Variants in EPB41 observed in about 807,000 individuals in gnomAD.
EPB41 encodes erythrocyte membrane protein band 4.1, also known as protein 4.1.
EPB41 carries 65 observed loss-of-function variants against 108.0 expected under a neutral mutation model. The observed-to-expected ratio is 0.60, with a 90% CI of 0.49 to 0.74. The LOEUF is 0.74. Among genes scored for constraint, EPB41 ranks in the 30% least tolerant of loss-of-function variants. The pLI, the probability that EPB41 is intolerant of heterozygous loss-of-function variation, is 0.00. For synonymous variants in EPB41, 336 were observed against 358.9 expected (o/e 0.94, Z 0.72); for missense variants, 875 against 1,037.0 (o/e 0.84, Z 2.15).
chr1:29,077,037 G>A (rs1224232452), intron 16 of EPB41, among the ~76,000 whole-genome samples: 2 of 152,138 alleles, frequency 1.3e-5, no homozygotes, highest in African/African-American at 2.4e-5. Context: ...CACAGGTGGC[G>A]ATGGATAAAT....
intron 4 of EPB41, among the ~76,000 whole-genome samples, chr1:29,006,220 A>C (rs952830374): frequency 7.3e-5 from 11 of 150,478 alleles, no homozygotes; most frequent in Non-Finnish European, 1.3e-4. Context: ...AATCGTACAT[A>C]TACATCCCAA....
intron 1 of EPB41, among the ~76,000 whole-genome samples, chr1:28,962,477 A>C (rs893377515): frequency 2.0e-5 from 3 of 152,192 alleles, no homozygotes; most frequent in African/African-American, 7.2e-5. Context: ...TGGGGTTTTT[A>C]GTATATTCAA....
intron 1 of EPB41, among the ~76,000 whole-genome samples, chr1:28,895,207 A>G (rs1385419961): frequency 6.6e-6 from 1 of 152,176 alleles, no homozygotes; most frequent in African/African-American, 2.4e-5. Context: ...AGGGCCCTGA[A>G]GAATTACATC....
In EPB41 at chr1:29,060,465, A is replaced by G. The variant is rs1646318865; in HGVS notation, c.1988A>G (p.His663Arg). The G allele has an allele frequency of 6.2e-7, 1 of 1,613,240 alleles. No individual in the cohort carries two copies. Among genetic ancestry groups the G allele is most frequent in the South Asian group, 1.1e-5 (1 of 91,074 alleles). ...RLDGENIYIR[H>R]SNLMLEDLDK... ...GATGGTGAAAACATTTATATCAGAC[A>G]TAGCAATTTAATGTTGGAGGTTTGT... The change falls in exon 15 of 21, where the codon CAT (histidine) becomes CGT (arginine). Residue 663 changes from histidine to arginine, a missense_variant. Coordinates refer to ENST00000343067, the MANE Select transcript of EPB41 (RefSeq NM_001376013.1).
At chr1:28,987,935 A>G (rs983875846) in intron 2 of EPB41, 30 bp downstream of exon 2, 3 of 1,605,030 alleles carry the variant, frequency 1.9e-6, no homozygotes, top group Non-Finnish European at 1.7e-6. Context: ...GGAGGTGGGC[A>G]AAGGAAGGCA....
At chr1:29,062,352 G>GT (rs1304331891) in intron 15 of EPB41, among the ~76,000 whole-genome samples, 1 of 152,204 alleles carries the variant, frequency 6.6e-6, no homozygotes, top group African/African-American at 2.4e-5. Context: ...TCCATGAGGT[G>GT]TGTTATGGCT....
chr1:28,980,753 T>G (rs1571863823), intron 1 of EPB41, among the ~76,000 whole-genome samples: 1 of 151,674 alleles, frequency 6.6e-6, no homozygotes, highest in African/African-American at 2.4e-5. Context: ...GTGTATTATT[T>G]GCCTGCATTG....
intron 4 of EPB41, among the ~76,000 whole-genome samples, chr1:29,001,992 C>T (rs959616762): frequency 6.6e-6 from 1 of 152,138 alleles, no homozygotes; most frequent in Non-Finnish European, 1.5e-5. Flanking sequence ...CATATTGTTA[C>T]ACTTGAGAGA....
intron 1 of EPB41, among the ~76,000 whole-genome samples, chr1:28,985,172 C>T (rs1387773107): frequency 6.6e-6 from 1 of 151,966 alleles, no homozygotes; most frequent in Non-Finnish European, 1.5e-5. Flanking sequence ...CCATGCTGAC[C>T]AGGCTGGTCT....
intron 16 of EPB41, among the ~76,000 whole-genome samples, chr1:29,095,590 G>C (rs1662922332): frequency 6.6e-6 from 1 of 152,094 alleles, no homozygotes; most frequent in Admixed American, 6.6e-5. Context: ...GGACTACATA[G>C]TGAGACCCTG....
At chr1:28,971,180 C>CTTTTTTTTTTTTTTTT (rs1000130058) in intron 1 of EPB41, among the ~76,000 whole-genome samples, 7 of 66,322 alleles carry the variant, frequency 1.1e-4, no homozygotes, top group Non-Finnish European at 1.5e-4. Context: ...TTCTTTCTTT[C>CTTTTTTTTTTTTTTTT]TTTTTTTTTT....
rs757181331 is a variant in EPB41, at chr1:29,115,661, A to G, written c.2497-38A>G. On this transcript the variant is annotated intron_variant, in intron 19 of 20. Coordinates refer to ENST00000343067, the MANE Select transcript of EPB41 (RefSeq NM_001376013.1). The surrounding 1 kb of genome is among the most constrained non-coding windows in gnomAD (Gnocchi z 4.4). The stretch of plus-strand genomic sequence containing the variant: ...CACTGCCTTCCTTCGCCATCAGGCT[A>G]TTTTCTGCCTCATTGCCCTTGTTTC... 19 of 1,550,676 alleles carry G rather than the reference A, an allele frequency of 1.2e-5. No homozygotes were observed. Among genetic ancestry groups the G allele is most frequent in the Non-Finnish European group, 1.7e-5 (19 of 1,123,314 alleles).
In EPB41 at chr1:29,018,432, A is replaced by G; in HGVS notation, c.1114A>G (p.Lys372Glu). The G allele has an allele frequency of 1.9e-6, 3 of 1,614,086 alleles. No individual in the cohort carries two copies. The highest frequency in any genetic ancestry group is 2.2e-5 in the East Asian group (1 of 44,880). Residue 372 changes from lysine (K) to glutamate (E), a missense_variant, in exon 7 of 21, where the codon AAG becomes GAG. Around this residue, in one of 3 missense-constraint regions of EPB41, gnomAD observed 519 missense variants for 627.3 expected, o/e 0.83. Transcript: ENST00000343067. This position sits in a 1 kb window ranked among gnomAD's most constrained non-coding sequence, Gnocchi z 4.4. ...TGAAGAGAAGGTCATGGAACTGCATAAGTCATACAGGTGAATATGTCTCCA... is the reference window on the plus strand; with the variant it reads ...TGAAGAGAAGGTCATGGAACTGCATGAGTCATACAGGTGAATATGTCTCCA... ...ELEEKVMELH[K>E]SYRSMTPAQA...
intron 17 of EPB41, among the ~76,000 whole-genome samples, chr1:29,102,746 C>T (rs1665852130): frequency 6.6e-6 from 1 of 151,768 alleles, no homozygotes; most frequent in East Asian, 1.9e-4. Flanking sequence ...TGCCACCACA[C>T]CTGGCTAATA....
intron 16 of EPB41, among the ~76,000 whole-genome samples, chr1:29,068,465 A>G (rs1649548335): frequency 1.3e-5 from 2 of 152,226 alleles, no homozygotes; most frequent in Admixed American, 1.3e-4. Flanking sequence ...CTTTAAAGAA[A>G]TAACTTTTTA....
chr1:29,060,233 G>T (rs1052568554), intron 14 of EPB41, among the ~76,000 whole-genome samples, 189 bp from the exon 15 acceptor site: 1 of 152,108 alleles, frequency 6.6e-6, no homozygotes, highest in Non-Finnish European at 1.5e-5. Context: ...CATGAAAAAG[G>T]TCATCATTTT....
intron 2 of EPB41, among the ~76,000 whole-genome samples, chr1:28,989,628 A>C (rs2095958915): frequency 6.6e-6 from 1 of 152,206 alleles, no homozygotes; most frequent in African/African-American, 2.4e-5. Context: ...ATAATTGCAC[A>C]CTTGCTGTTA....
Position 29,065,120 on chromosome 1 carries a change from A to G in EPB41, c.2146A>G (p.Thr716Ala), listed in dbSNP as rs1196665580. 4 of 1,612,168 alleles carry G rather than the reference A, an allele frequency of 2.5e-6. No homozygotes were observed. The highest frequency in any genetic ancestry group is 3.4e-6 in the Non-Finnish European group (4 of 1,178,580). ...KRLSTHSPFRTLNINGQIPTG... is the reference protein window; with the variant it reads ...KRLSTHSPFRALNINGQIPTG... Reference sequence around the variant, plus strand: ...CTTATCCACTCACTCACCCTTCCGAACTCTTAACATCAATGGGCAAATCCC... The same window carrying G: ...CTTATCCACTCACTCACCCTTCCGAGCTCTTAACATCAATGGGCAAATCCC... The change falls in exon 16 of 21, where the codon ACT becomes GCT. Residue 716 changes from threonine to alanine, a missense_variant. Physicochemically the swap from Thr to Ala is moderately conservative, Grantham distance 58 (BLOSUM62 0). Transcript: ENST00000343067.
chr1:28,891,104 C>T (rs775416126), intron 1 of EPB41: 77 of 558,880 alleles, frequency 1.4e-4, no homozygotes, highest in Non-Finnish European at 1.7e-4. Context: ...GCAGCTACTG[C>T]CCAGGTGCAA....
Sources: allele counts gnomAD v4.1 joint callset (sites outside exome capture counted in the v4.1 genomes callset), GRCh38; gene constraint gnomAD v4.1.1; regional missense constraint gnomAD v4.1.1; non-coding constraint Gnocchi (gnomAD v3.1); transcripts MANE v1.5; gene names NCBI Gene and HGNC (gene_info 2026-07-23, HGNC 2026-07-21).